Variants in CYP4F22 observed in about 807,000 individuals in gnomAD.
CYP4F22 encodes the protein cytochrome P450 family 4 subfamily F member 22.
In CYP4F22, 37 loss-of-function variants were observed where a neutral mutation model predicts 60.4. The ratio of observed to expected loss-of-function variants is 0.61; its 90% CI spans 0.47 to 0.81. The LOEUF (loss-of-function observed/expected upper bound fraction) is 0.81. CYP4F22 is among the 30% of genes least tolerant of loss of function. CYP4F22 has a pLI of 0.00. For missense variants in CYP4F22, 655 were observed against 715.0 expected (o/e 0.92, Z 0.96); for synonymous variants, 258 against 280.5 (o/e 0.92, Z 0.80).
In CYP4F22 at chr19:15,551,686, G is replaced by A. The variant is rs983718837; in HGVS notation, c.*215G>A. The A allele has an allele frequency of 3.2e-5, 20 of 633,472 alleles. No homozygotes were observed. Among genetic ancestry groups the A allele is most frequent in the Non-Finnish European group, 5.2e-5 (19 of 368,484 alleles). 39.2% of individuals were successfully genotyped at this position (633,472 alleles called of 1,614,324 possible). A position where few individuals can be genotyped will look rare whatever the true frequency, so the allele number is the denominator to read the frequency against. On this transcript the variant is annotated 3_prime_UTR_variant, in exon 14 of 14. Transcript: ENST00000269703. ...AGGGGGCCTGATCCCGCCCCTTGAG[G>A]CTTAGGTCCCGCCCCCTGACTTCTC... is the stretch of plus-strand genomic sequence containing the variant.
intron 1 of CYP4F22, among the ~76,000 whole-genome samples, chr19:15,509,985 T>TTTG (rs1008438212): frequency 6.9e-6 from 1 of 145,824 alleles, no homozygotes. Flanking sequence ...TCTTTCTTTT[T>TTTG]TTGTTGTTGT....
intron 1 of CYP4F22, among the ~76,000 whole-genome samples, chr19:15,520,475 C>T (rs1464511097): frequency 8.0e-5 from 12 of 149,388 alleles, no homozygotes; most frequent in Non-Finnish European, 1.3e-4. Context: ...TACTTGCATT[C>T]CATGAGGAGA....
rs1245647391 is a variant in CYP4F22, at chr19:15,513,370, T to A, written c.-109+4787T>A. On this transcript the variant is annotated intron_variant, in intron 1 of 13. Coordinates refer to ENST00000269703, the MANE Select transcript of CYP4F22 (RefSeq NM_173483.4). Reference sequence around the variant, plus strand: ...TTTTGTATATATATATATTTTTTTTTTTTTTTTTTTTTGAGACAGAGTCTC... The same window carrying A: ...TTTTGTATATATATATATTTTTTTTATTTTTTTTTTTTGAGACAGAGTCTC... 5.7e-3 allele frequency among the ~76,000 whole-genome samples: 805 copies of A among 140,812 alleles called. 12 individuals carry two copies. Among genetic ancestry groups the A allele is most frequent in the African/African-American group, 0.02 (773 of 38,086 alleles). 92.4% of individuals were successfully genotyped at this position (140,812 alleles called of 152,430 possible).
At chr19:15,524,747 T>G (rs1478404699) in intron 2 of CYP4F22, among the ~76,000 whole-genome samples, 1 of 152,170 alleles carries the variant, frequency 6.6e-6, no homozygotes. Context: ...GAGGTGGTAG[T>G]TGCATTATAT....
chr19:15,526,171 G>GA (rs1055840984), intron 3 of CYP4F22, among the ~76,000 whole-genome samples: 6 of 146,700 alleles, frequency 4.1e-5, no homozygotes, highest in Admixed American at 3.4e-4. Flanking sequence ...TCTCTCTAAG[G>GA]AAAAAAAAAA....
intron 11 of CYP4F22, 50 bp from the exon 12 acceptor site, chr19:15,549,088 G>A (rs757884623): frequency 4.4e-6 from 7 of 1,606,004 alleles, no homozygotes; most frequent in Non-Finnish European, 6.0e-6. Flanking sequence ...GATGTTTCTG[G>A]AGGAGGCCCT....
chr19:15,548,626 G>C (rs1398801970), intron 11 of CYP4F22, among the ~76,000 whole-genome samples: 1 of 152,132 alleles, frequency 6.6e-6, no homozygotes, highest in Non-Finnish European at 1.5e-5. Flanking sequence ...GACATTCCCA[G>C]GCGTATGGAA....
At chr19:15,512,837 A>AT (rs1199950317) in intron 1 of CYP4F22, among the ~76,000 whole-genome samples, 1 of 151,402 alleles carries the variant, frequency 6.6e-6, no homozygotes, top group South Asian at 2.1e-4. Flanking sequence ...AATTGATTCA[A>AT]TTTTTTTTGA....
intron 8 of CYP4F22, among the ~76,000 whole-genome samples, chr19:15,541,238 C>T (rs1191055663): frequency 6.6e-6 from 1 of 152,214 alleles, no homozygotes; most frequent in Non-Finnish European, 1.5e-5. Flanking sequence ...CATTTATTCT[C>T]TCACAGTTCT....
chr19:15,523,662 G>A (rs1233183452), intron 1 of CYP4F22, 31 bp from the exon 2 acceptor site: 1 of 152,118 alleles, frequency 6.6e-6, no homozygotes, highest in African/African-American at 2.4e-5. Flanking sequence ...TAACATTATG[G>A]TTACCTGACT....
Position 15,540,439 on chromosome 19 carries a change from C to T in CYP4F22, c.672-11C>T. The T allele has an allele frequency of 1.2e-6, 2 of 1,614,160 alleles. No individual in the cohort carries two copies. The highest frequency in any genetic ancestry group is 8.5e-7 in the Non-Finnish European group (1 of 1,180,030). On this transcript the variant is annotated splice_polypyrimidine_tract_variant and intron_variant, in intron 7 of 13. Coordinates refer to ENST00000269703, the MANE Select transcript of CYP4F22 (RefSeq NM_173483.4). Reference sequence around the variant, plus strand: ...AGGGGCTACACTCATGGATCCCCTTCTCCTTGGCAGGAAGATGAGTGATTA... The same window carrying T: ...AGGGGCTACACTCATGGATCCCCTTTTCCTTGGCAGGAAGATGAGTGATTA...
At chr19:15,524,776 A>T (rs2144511604) in intron 2 of CYP4F22, among the ~76,000 whole-genome samples, 1 of 152,342 alleles carries the variant, frequency 6.6e-6, no homozygotes, top group Middle Eastern at 3.4e-3. Context: ...ACTCAATGCC[A>T]CTGAATTATT....
Position 15,551,564 on chromosome 19 carries a change from C to A in CYP4F22, c.*93C>A. The A allele has an allele frequency of 7.0e-6, 10 of 1,438,168 alleles. No homozygotes were observed. The highest frequency in any genetic ancestry group is 6.4e-5 in the South Asian group (5 of 78,296). The allele number at this position is 1,438,168 out of a possible 1,614,324, so 89.1% of individuals were successfully genotyped here. On this transcript the variant is annotated 3_prime_UTR_variant, in exon 14 of 14. Transcript: ENST00000269703. Reference sequence around the variant, plus strand: ...AAGATCCCGAGGGCATAGGCCACCCCCCTCGAAGTTCAGGTTCAGCTCCTG... The same window carrying A: ...AAGATCCCGAGGGCATAGGCCACCCACCTCGAAGTTCAGGTTCAGCTCCTG...
At chr19:15,523,396 A>G (rs997974234) in intron 1 of CYP4F22, among the ~76,000 whole-genome samples, 2 of 152,128 alleles carry the variant, frequency 1.3e-5, no homozygotes, top group Non-Finnish European at 2.9e-5. Flanking sequence ...ACAAGATCCC[A>G]TGAGAACTCA....
chr19:15,528,441 C>T (rs986241012), intron 3 of CYP4F22, among the ~76,000 whole-genome samples: 3 of 152,146 alleles, frequency 2.0e-5, no homozygotes, highest in Non-Finnish European at 4.4e-5. Flanking sequence ...AATACCTCAG[C>T]TCCCTTGCCC....
intron 8 of CYP4F22, among the ~76,000 whole-genome samples, chr19:15,543,583 G>A (rs554283217): frequency 4.3e-4 from 65 of 152,246 alleles, no homozygotes; most frequent in South Asian, 1.0e-3. Flanking sequence ...GGAGCCAGGC[G>A]TGGTAGCTCA....
chr19:15,547,633 G>A (rs983365096), intron 10 of CYP4F22, among the ~76,000 whole-genome samples: 7 of 151,964 alleles, frequency 4.6e-5, no homozygotes, highest in Admixed American at 3.9e-4. Context: ...GACCAGCCTG[G>A]CCAACATGGA....
At chr19:15,524,466 A>T (rs540250372) in intron 2 of CYP4F22, among the ~76,000 whole-genome samples, 14 of 152,148 alleles carry the variant, frequency 9.2e-5, no homozygotes, top group Non-Finnish European at 1.9e-4. Context: ...CCTGGGCAAC[A>T]TGGCAAAATC....
chr19:15,547,968 TGAGA>T lies in CYP4F22; in HGVS notation c.1137-116_1137-113del, dbSNP rs748042791. 3,033 of 1,063,666 alleles carry T rather than the reference TGAGA, an allele frequency of 2.9e-3. 9 individuals are homozygous for T. The highest frequency in any genetic ancestry group is 3.8e-3 in the African/African-American group (164 of 43,070). The allele number at this position is 1,063,666 out of a possible 1,614,324, so 65.9% of individuals were successfully genotyped here. On this transcript the variant is annotated intron_variant, in intron 10 of 13. Coordinates refer to ENST00000269703, the MANE Select transcript of CYP4F22 (RefSeq NM_173483.4). ...GACTGGTTTCTTGCCCAGCTGCCCCTGAGAGAGAGAGAGAGAGAGAGAGAGAGGG... is the reference window on the plus strand; with the variant it reads ...GACTGGTTTCTTGCCCAGCTGCCCCTGAGAGAGAGAGAGAGAGAGAGAGGG...
Sources: gnomAD v4.1 joint callset for allele counts (sites outside exome capture counted in the v4.1 genomes callset) on GRCh38, gnomAD v4.1.1 for gene constraint, MANE v1.5 for transcripts, NCBI Gene and HGNC (gene_info 2026-07-23, HGNC 2026-07-21) for gene names.